The following FKBP9 variants were observed in gnomAD, a reference collection of about 807,000 sequenced individuals.
The protein encoded by FKBP9 is peptidyl-prolyl cis-trans isomerase FKBP9.
In FKBP9, 27 loss-of-function variants were observed where a neutral mutation model predicts 55.6. The ratio of observed to expected loss-of-function variants is 0.49; its 90% CI spans 0.36 to 0.67. The LOEUF is 0.67. Among genes scored for constraint, FKBP9 ranks in the 30% least tolerant of loss-of-function variants. FKBP9 has a pLI of 0.00. For missense variants in FKBP9, 539 were observed against 742.8 expected, an observed-to-expected ratio of 0.73 and a Z score of 3.19; for synonymous variants, 267 against 296.5, an observed-to-expected ratio of 0.90 and a Z score of 1.02.
intron 1 of FKBP9, among the ~76,000 whole-genome samples, chr7:32,971,935 A>G (rs904327124): frequency 6.6e-6 from 1 of 152,110 alleles, no homozygotes; most frequent in African/African-American, 2.4e-5. Flanking sequence ...AATAATAGAT[A>G]CTCTGTAAAC....
intron 5 of FKBP9, among the ~76,000 whole-genome samples, chr7:32,982,775 A>G (rs963802325): frequency 5.3e-5 from 8 of 152,228 alleles, no homozygotes; most frequent in Non-Finnish European, 7.3e-5. Flanking sequence ...ATTTTAGTAC[A>G]GTGGGATCTA....
At chr7:32,961,568 G>A (rs1277462764) in intron 1 of FKBP9, among the ~76,000 whole-genome samples, 1 of 152,042 alleles carries the variant, frequency 6.6e-6, no homozygotes, top group Non-Finnish European at 1.5e-5. Flanking sequence ...ATAGAACAGG[G>A]GTCCCTAACC....
intron 5 of FKBP9, among the ~76,000 whole-genome samples, chr7:32,985,969 A>G (rs912107599): frequency 2.6e-5 from 4 of 152,194 alleles, no homozygotes; most frequent in African/African-American, 9.6e-5. Flanking sequence ...CTCCAGCCTC[A>G]GCAACAGAGT....
intron 6 of FKBP9, among the ~76,000 whole-genome samples, chr7:32,993,562 C>T (rs1458873914): frequency 6.6e-6 from 1 of 152,180 alleles, no homozygotes; most frequent in South Asian, 2.1e-4. Context: ...CGGTGGCTCA[C>T]GCCTGTAATC....
chr7:32,981,106 A>G (rs1459662528), intron 5 of FKBP9, among the ~76,000 whole-genome samples: 2 of 149,600 alleles, frequency 1.3e-5, no homozygotes, highest in Admixed American at 1.3e-4. Flanking sequence ...AGTGATGTCA[A>G]GGAGGTACAG....
chr7:33,001,038 AAGCACTGGGATTATC>A lies in FKBP9; in HGVS notation c.1372+781_1372+795del, dbSNP rs538058877. Among the ~76,000 whole-genome samples the A allele has an allele frequency of 6.0e-3, 907 of 152,140 alleles. 9 individuals are homozygous for A. The highest frequency in any genetic ancestry group is 0.021 in the African/African-American group (864 of 41,492). On this transcript the variant is annotated intron_variant, in intron 8 of 9. Transcript: ENST00000242209. Reference sequence around the variant, plus strand: ...GCGATGCTCCTGCTTAGGCCTCCCAAAGCACTGGGATTATCAGTGTGAGCCACTGTGCCTGGCCCC... The same window carrying A: ...GCGATGCTCCTGCTTAGGCCTCCCAAAGTGTGAGCCACTGTGCCTGGCCCC...
intron 1 of FKBP9, among the ~76,000 whole-genome samples, chr7:32,969,372 C>T (rs1475863948): frequency 6.6e-6 from 1 of 151,708 alleles, no homozygotes; most frequent in Non-Finnish European, 1.5e-5. Context: ...TATATTTATG[C>T]ATTTAATCCA....
chr7:32,964,075 T>A (rs4723226), intron 1 of FKBP9, among the ~76,000 whole-genome samples: 33,093 of 151,910 alleles, frequency 0.22, 3,956 homozygotes, highest in Admixed American at 0.36. Flanking sequence ...AACTTAGGAG[T>A]TGTTTAGAGT....
At chr7:32,994,102 A>C (rs1249184895) in intron 6 of FKBP9, among the ~76,000 whole-genome samples, 12 of 152,234 alleles carry the variant, frequency 7.9e-5, no homozygotes, top group Non-Finnish European at 1.5e-4. Flanking sequence ...TACTATAAAA[A>C]TAATCATGTT....
At chr7:32,996,747 CTTTT>C (rs775429776) in intron 7 of FKBP9, among the ~76,000 whole-genome samples, 424 of 13,316 alleles carry the variant, frequency 0.032, 4 homozygotes, top group African/African-American at 0.058. Context: ...TCCTTTCTTT[CTTTT>C]TTTTTTTTTT....
At chr7:32,969,567 C>A (rs1045406029) in intron 1 of FKBP9, among the ~76,000 whole-genome samples, 2 of 152,142 alleles carry the variant, frequency 1.3e-5, no homozygotes, top group Admixed American at 6.6e-5. Flanking sequence ...CTATTTTGAT[C>A]TATTGGTCTA....
intron 6 of FKBP9, among the ~76,000 whole-genome samples, chr7:32,990,887 G>A (rs1316748250): frequency 6.6e-6 from 1 of 151,844 alleles, no homozygotes; most frequent in Admixed American, 6.6e-5. Context: ...TCCAAGAAAC[G>A]TCAAGTTGGT....
At chr7:32,965,124 A>G (rs1784107258) in intron 1 of FKBP9, among the ~76,000 whole-genome samples, 1 of 152,160 alleles carries the variant, frequency 6.6e-6, no homozygotes. Context: ...GGTTCTCAAA[A>G]TATGGCAGTC....
intron 1 of FKBP9, among the ~76,000 whole-genome samples, 199 bp from the exon 2 acceptor site, chr7:32,974,418 A>G (rs909857984): frequency 4.0e-5 from 6 of 151,676 alleles, no homozygotes; most frequent in Non-Finnish European, 7.4e-5. Flanking sequence ...ATTTGCTGGC[A>G]ATATTCAAGG....
intron 8 of FKBP9, 31 bp downstream of exon 8, chr7:33,000,291 G>A (rs1416750724): frequency 1.3e-6 from 2 of 1,572,934 alleles, no homozygotes; most frequent in Non-Finnish European, 1.7e-6. Context: ...AAGGGTGTTG[G>A]GGGCCCGCTT....
At chr7:32,972,224 G>T (rs980929950) in intron 1 of FKBP9, among the ~76,000 whole-genome samples, 8 of 152,222 alleles carry the variant, frequency 5.3e-5, no homozygotes, top group African/African-American at 1.9e-4. Context: ...GAGGGTGGAG[G>T]TGTAAAGCTG....
intron 1 of FKBP9, among the ~76,000 whole-genome samples, chr7:32,966,677 T>G (rs1784152245): frequency 6.6e-6 from 1 of 152,120 alleles, no homozygotes; most frequent in East Asian, 1.9e-4. Flanking sequence ...AGAGGTTTAA[T>G]TGGCTCACAG....
At chr7:32,976,591 C>G in intron 4 of FKBP9, 92 bp downstream of exon 4, 1 of 1,513,078 alleles carries the variant, frequency 6.6e-7, no homozygotes, top group Non-Finnish European at 8.9e-7. Context: ...ACCCACTAGA[C>G]CTTTCGGTCT....
chr7:32,962,221 C>T (rs1583837645), intron 1 of FKBP9, among the ~76,000 whole-genome samples: 1 of 151,930 alleles, frequency 6.6e-6, no homozygotes, highest in Admixed American at 6.6e-5. Flanking sequence ...GGAGAAACCC[C>T]GTCTCTACTA....
Sources: allele counts gnomAD v4.1 joint callset (sites outside exome capture counted in the v4.1 genomes callset), GRCh38; gene constraint gnomAD v4.1.1; transcripts MANE v1.5; gene names NCBI Gene and HGNC (gene_info 2026-07-23, HGNC 2026-07-21).